CERS3: variants seen among roughly 807,000 people sequenced by gnomAD.
CERS3 encodes the protein ceramide synthase 3, also known as LAG1 homolog, ceramide synthase 3.
A neutral mutation model predicts 50.3 loss-of-function variants in CERS3; 33 were observed. That is an observed-to-expected ratio of 0.66 (90% CI 0.50 to 0.88). CERS3 has a LOEUF of 0.88. CERS3 is among the 40% of genes least tolerant of loss of function. The pLI, the probability that CERS3 is intolerant of heterozygous loss-of-function variation, is 0.00. For missense variants in CERS3, 470 were observed against 460.3 expected, an observed-to-expected ratio of 1.02 and a Z score of -0.19; for synonymous variants, 176 against 155.2, an observed-to-expected ratio of 1.13 and a Z score of -0.99.
At chr15:100,445,313 C>T (rs1351809337) in intron 11 of CERS3, among the ~76,000 whole-genome samples, 1 of 143,376 alleles carries the variant, frequency 7.0e-6, no homozygotes, top group Non-Finnish European at 1.5e-5. Flanking sequence ...CTTGTTTACA[C>T]TGCCAGTTTA....
intron 11 of CERS3, among the ~76,000 whole-genome samples, chr15:100,416,845 C>T (rs990201234): frequency 2.3e-4 from 35 of 152,096 alleles, no homozygotes; most frequent in African/African-American, 8.2e-4. Context: ...GGTCTAATAT[C>T]CAAAATCTAT....
intron 3 of CERS3, among the ~76,000 whole-genome samples, chr15:100,495,426 A>G (rs374459543): frequency 2.7e-4 from 41 of 152,242 alleles, no homozygotes; most frequent in African/African-American, 9.9e-4. Flanking sequence ...AATTTTTGCT[A>G]GTTTTCTGGT....
At chr15:100,415,798 G>A (rs1411603536) in intron 11 of CERS3, among the ~76,000 whole-genome samples, 1 of 95,586 alleles carries the variant, frequency 1.0e-5, no homozygotes, top group Non-Finnish European at 2.4e-5. Context: ...CGGGGGGCAG[G>A]GAGTGAGGGA....
chr15:100,482,833 G>A (rs2035355089), intron 5 of CERS3, among the ~76,000 whole-genome samples: 3 of 152,098 alleles, frequency 2.0e-5, no homozygotes, highest in Admixed American at 2.0e-4. Context: ...CTTGAGGTTA[G>A]GTAACTCATG....
chr15:100,484,688 A>C lies in CERS3; in HGVS notation c.289-20T>G. ...ATCAGTCTGAAAAGGGATGAAACGCATAAATGAGTGATAAAGAACAGAGTC... is the reference window on the plus strand; with the variant it reads ...ATCAGTCTGAAAAGGGATGAAACGCCTAAATGAGTGATAAAGAACAGAGTC... On this transcript the variant is annotated intron_variant, in intron 4 of 11. Transcript: ENST00000679737. 1 of 1,522,020 alleles carries C rather than the reference A, an allele frequency of 6.6e-7. No individual in the cohort carries two copies. The highest frequency in any genetic ancestry group is 1.1e-5 in the South Asian group (1 of 89,232). 94.3% of individuals were successfully genotyped at this position (1,522,020 alleles called of 1,614,324 possible). A position where few individuals can be genotyped will look rare whatever the true frequency, so the allele number is the denominator to read the frequency against.
chr15:100,409,362 G>T (rs1388847988), intron 11 of CERS3, among the ~76,000 whole-genome samples: 1 of 152,064 alleles, frequency 6.6e-6, no homozygotes, highest in African/African-American at 2.4e-5. Context: ...ACCTATTCAT[G>T]ATTTGCAACT....
intron 3 of CERS3, among the ~76,000 whole-genome samples, chr15:100,498,218 A>G (rs780324596): frequency 1.3e-5 from 2 of 152,210 alleles, no homozygotes; most frequent in African/African-American, 4.8e-5. Flanking sequence ...TTAACAGAAC[A>G]GAGTATAGAT....
rs568509478 is a variant in CERS3 at position 100,508,680 on chromosome 15, GTC to G, written c.-1-6832_-1-6831del. On this transcript the variant is annotated intron_variant, in intron 2 of 11. Transcript: ENST00000679737. ...GTTCTTAGTTCATGTCCCATCTTTA[GTC>G]ATTTGACCCAATTCTAGCAATTTCT... Among the ~76,000 whole-genome samples, 5 of 152,142 alleles carry G rather than the reference GTC, an allele frequency of 3.3e-5. No homozygotes were observed. The South Asian group carries it at 1.0e-3, about 32-fold the overall frequency.
At chr15:100,420,563 T>C (rs1020618665) in intron 11 of CERS3, among the ~76,000 whole-genome samples, 1 of 151,794 alleles carries the variant, frequency 6.6e-6, no homozygotes, top group African/African-American at 2.4e-5. Context: ...AAAGAGGGAA[T>C]CCTCCCTAAC....
chr15:100,483,765 A>T (rs12901767), intron 5 of CERS3, among the ~76,000 whole-genome samples: 116,706 of 131,032 alleles, frequency 0.89, 51,666 homozygotes, highest in East Asian at 0.96. Flanking sequence ...AAGGATCAAT[A>T]ATAATAATAA....
At chr15:100,474,486 C>A (rs1301289499) in intron 8 of CERS3, among the ~76,000 whole-genome samples, 1 of 151,888 alleles carries the variant, frequency 6.6e-6, no homozygotes, top group Non-Finnish European at 1.5e-5. Flanking sequence ...CTCACTGCAA[C>A]CTCCACCTCT....
At chr15:100,457,367 G>T (rs974481536) in intron 10 of CERS3, among the ~76,000 whole-genome samples, 7 of 152,160 alleles carry the variant, frequency 4.6e-5, no homozygotes, top group Non-Finnish European at 1.0e-4. Flanking sequence ...CATAAACTTG[G>T]CAAACACTTT....
chr15:100,507,206 G>A (rs914874030), intron 2 of CERS3, among the ~76,000 whole-genome samples: 19 of 152,060 alleles, frequency 1.2e-4, no homozygotes, highest in Non-Finnish European at 1.9e-4. Context: ...CTTTATGGAA[G>A]AAAAAAACAG....
At chr15:100,531,756 A>G (rs893575973), upstream of CERS3, among the ~76,000 whole-genome samples, 7 of 152,226 alleles carry the variant, frequency 4.6e-5, no homozygotes, top group African/African-American at 1.7e-4. Flanking sequence ...CTTTTATGAG[A>G]AAACGGAAGC....
At chr15:100,484,786 C>A in intron 4 of CERS3, 118 bp from the exon 5 acceptor site, 1 of 737,228 alleles carries the variant, frequency 1.4e-6, no homozygotes, top group South Asian at 1.6e-5. Flanking sequence ...GAAATTCTGT[C>A]ATGAGACCTG....
At chr15:100,525,674 G>A (rs768596899) in intron 1 of CERS3, among the ~76,000 whole-genome samples, 5 of 152,144 alleles carry the variant, frequency 3.3e-5, no homozygotes, top group Non-Finnish European at 5.9e-5. Context: ...GCCAATTGGG[G>A]TTTTTATACA....
intron 3 of CERS3, among the ~76,000 whole-genome samples, chr15:100,497,344 A>G (rs370280957): frequency 9.3e-5 from 13 of 139,538 alleles, no homozygotes; most frequent in Non-Finnish European, 1.6e-4. Context: ...GTGTATGTAT[A>G]TATATATATA....
intron 10 of CERS3, among the ~76,000 whole-genome samples, chr15:100,456,874 G>A (rs1261744082): frequency 6.6e-6 from 1 of 151,286 alleles, no homozygotes; most frequent in Non-Finnish European, 1.5e-5. Context: ...TTGAACCTGG[G>A]AGGTGGAGGT....
intron 1 of CERS3, among the ~76,000 whole-genome samples, chr15:100,542,205 C>T (rs560597951): frequency 1.3e-5 from 2 of 152,204 alleles, no homozygotes; most frequent in East Asian, 1.9e-4. Flanking sequence ...CCCCTTCAGC[C>T]TCAGGAATGA....
Sources: gnomAD v4.1 joint callset for allele counts (sites outside exome capture counted in the v4.1 genomes callset) on GRCh38, gnomAD v4.1.1 for gene constraint, MANE v1.5 for transcripts, NCBI Gene and HGNC (gene_info 2026-07-23, HGNC 2026-07-21) for gene names.